The following FOXO1 variants were observed in gnomAD, a reference collection of about 807,000 sequenced individuals.
The protein encoded by FOXO1 is forkhead box protein O1.
In FOXO1, 6 loss-of-function variants were observed where a neutral mutation model predicts 44.1. That is an observed-to-expected ratio of 0.14 (90% CI 0.07 to 0.27). The LOEUF is 0.27. Ranked by LOEUF, FOXO1 falls within the 10% of genes least tolerant of loss-of-function variation. The pLI is 1.00. For missense variants in FOXO1, 737 were observed against 888.8 expected (o/e 0.83, Z 2.17); for synonymous variants, 380 against 362.7 (o/e 1.05, Z -0.54).
At chr13:40,598,708 T>A (rs1324469257) in intron 1 of FOXO1, among the ~76,000 whole-genome samples, 1 of 152,194 alleles carries the variant, frequency 6.6e-6, no homozygotes, top group Non-Finnish European at 1.5e-5. Context: ...TCTGCTCTAC[T>A]CCCAGTGTGG....
intron 1 of FOXO1, among the ~76,000 whole-genome samples, chr13:40,622,979 A>G (rs1028463909): frequency 1.3e-5 from 2 of 152,206 alleles, no homozygotes; most frequent in Non-Finnish European, 2.9e-5. Flanking sequence ...TCATTTCATG[A>G]CTGCAAGTCT....
chr13:40,565,225 T>G (rs182820368), intron 1 of FOXO1, among the ~76,000 whole-genome samples: 109 of 152,296 alleles, frequency 7.2e-4, no homozygotes, highest in Non-Finnish European at 1.5e-3. Flanking sequence ...TGGAAACTAT[T>G]TTGTGGAAGG....
At chr13:40,586,124 T>C (rs987653287) in intron 1 of FOXO1, among the ~76,000 whole-genome samples, 1 of 152,218 alleles carries the variant, frequency 6.6e-6, no homozygotes, top group African/African-American at 2.4e-5. Flanking sequence ...TGGATCACAA[T>C]CCATAAAATA....
intron 1 of FOXO1, among the ~76,000 whole-genome samples, chr13:40,628,775 T>C (rs561517423): frequency 5.0e-4 from 76 of 152,294 alleles, no homozygotes; most frequent in Admixed American, 3.0e-3. Flanking sequence ...ATCATTACCT[T>C]CACACATCCA....
chr13:40,648,499 T>G (rs1877578875), intron 1 of FOXO1, among the ~76,000 whole-genome samples: 1 of 152,230 alleles, frequency 6.6e-6, no homozygotes, highest in South Asian at 2.1e-4. Context: ...TGTGCACTAT[T>G]TTCATAGGCT....
intron 1 of FOXO1, among the ~76,000 whole-genome samples, chr13:40,582,066 A>C (rs1007237265): frequency 1.3e-5 from 2 of 152,236 alleles, no homozygotes; most frequent in African/African-American, 4.8e-5. Flanking sequence ...TTCTTCATGT[A>C]TGAAATACAG....
intron 1 of FOXO1, among the ~76,000 whole-genome samples, chr13:40,568,213 A>C (rs1874346616): frequency 6.6e-6 from 1 of 152,198 alleles, no homozygotes; most frequent in Non-Finnish European, 1.5e-5. Context: ...CACACTCAGA[A>C]ACTGGAACAT....
At chr13:40,589,022 T>G (rs1034024686) in intron 1 of FOXO1, among the ~76,000 whole-genome samples, 2 of 152,142 alleles carry the variant, frequency 1.3e-5, no homozygotes, top group Non-Finnish European at 2.9e-5. Context: ...CAAGAATCAC[T>G]TGAATCCAGC....
intron 1 of FOXO1, among the ~76,000 whole-genome samples, chr13:40,585,954 TTG>T (rs1474961977): frequency 6.6e-6 from 1 of 152,200 alleles, no homozygotes; most frequent in Non-Finnish European, 1.5e-5. Context: ...GCCCAAATCA[TTG>T]TGTGTTCAAG....
At chr13:40,603,776 A>G (rs1302588101) in intron 1 of FOXO1, among the ~76,000 whole-genome samples, 1 of 152,224 alleles carries the variant, frequency 6.6e-6, no homozygotes, top group African/African-American at 2.4e-5. Flanking sequence ...GGTTCAACTT[A>G]GTTTTTCCTA....
chr13:40,591,051 C>CTT (rs1318683651), intron 1 of FOXO1, among the ~76,000 whole-genome samples: 1 of 152,062 alleles, frequency 6.6e-6, no homozygotes, highest in Non-Finnish European at 1.5e-5. Context: ...TGGAGGACCC[C>CTT]TTTATACCAA....
intron 1 of FOXO1, chr13:40,618,676 G>T: frequency 2.6e-6 from 1 of 384,002 alleles, no homozygotes; most frequent in Non-Finnish European, 5.0e-6. Context: ...ATTGAAGGAT[G>T]GATACCATGG....
At chr13:40,613,962 T>G (rs182587881) in intron 1 of FOXO1, among the ~76,000 whole-genome samples, 1 of 152,194 alleles carries the variant, frequency 6.6e-6, no homozygotes, top group Non-Finnish European at 1.5e-5. Context: ...AAATAAAGGG[T>G]GAAAAAACTA....
chr13:40,642,889 G>A (rs1443845185), intron 1 of FOXO1, among the ~76,000 whole-genome samples: 1 of 152,164 alleles, frequency 6.6e-6, no homozygotes, highest in African/African-American at 2.4e-5. Flanking sequence ...ACCTGGATGA[G>A]ACAGAGTGAG....
chr13:40,653,103 G>A (rs768346547), intron 1 of FOXO1, among the ~76,000 whole-genome samples: 1 of 151,964 alleles, frequency 6.6e-6, no homozygotes, highest in African/African-American at 2.4e-5. Flanking sequence ...CCGAGTAGCT[G>A]GGATTACAGA....
chr13:40,583,598 C>T (rs1177579071), intron 1 of FOXO1, among the ~76,000 whole-genome samples: 1 of 152,196 alleles, frequency 6.6e-6, no homozygotes, highest in Non-Finnish European at 1.5e-5. Context: ...CCTTACACCT[C>T]ATGAACCAAC....
chr13:40,570,424 T>C (rs1052656136), intron 1 of FOXO1, among the ~76,000 whole-genome samples: 10 of 151,914 alleles, frequency 6.6e-5, no homozygotes, highest in African/African-American at 2.4e-4. Context: ...GGGACTACGG[T>C]ATTGAGGAAC....
intron 1 of FOXO1, among the ~76,000 whole-genome samples, chr13:40,580,766 C>T (rs1208005936): frequency 6.6e-6 from 1 of 152,138 alleles, no homozygotes; most frequent in African/African-American, 2.4e-5. Flanking sequence ...AATGTTTACG[C>T]AATCACTATT....
chr13:40,574,879 T>C (rs1031738916), intron 1 of FOXO1, among the ~76,000 whole-genome samples: 3 of 152,184 alleles, frequency 2.0e-5, no homozygotes, highest in Admixed American at 6.5e-5. Context: ...ACATAATAAA[T>C]AGCCAAACCT....
Sources: gnomAD v4.1 joint callset for allele counts (sites outside exome capture counted in the v4.1 genomes callset) on GRCh38, gnomAD v4.1.1 for gene constraint, MANE v1.5 for transcripts, NCBI Gene and HGNC (gene_info 2026-07-23, HGNC 2026-07-21) for gene names.